The following MAGI2 variants were observed in gnomAD, a reference collection of about 807,000 sequenced individuals.
MAGI2 encodes membrane associated guanylate kinase, WW and PDZ domain containing 2, also known as membrane-associated guanylate kinase, WW and PDZ domain-containing protein 2.
In MAGI2, 35 loss-of-function variants were observed where a neutral mutation model predicts 133.3. That is an observed-to-expected ratio of 0.26 (90% CI 0.20 to 0.35). The LOEUF is 0.35. Among genes scored for constraint, MAGI2 ranks in the 10% least tolerant of loss-of-function variants. MAGI2 has a pLI of 1.00. For missense variants in MAGI2, 1,636 were observed against 1,863.4 expected (o/e 0.88, Z 2.25); for synonymous variants, 729 against 710.6 (o/e 1.03, Z -0.41).
chr7:78,832,922 T>C (rs2151446164), intron 2 of MAGI2, among the ~76,000 whole-genome samples: 1 of 152,260 alleles, frequency 6.6e-6, no homozygotes, highest in South Asian at 2.1e-4. Flanking sequence ...GTGACCCTTG[T>C]GGAGAGCCTA....
chr7:78,105,192 A>G lies in MAGI2; in HGVS notation c.3567+20502T>C, dbSNP rs540877652. 1.3e-4 allele frequency among the ~76,000 whole-genome samples: 20 copies of G among 152,290 alleles called. No individual in the cohort carries two copies. The South Asian group carries it at 4.1e-3, about 32-fold the overall frequency. On this transcript the variant is annotated intron_variant, in intron 20 of 21. Transcript: ENST00000354212. ...GCGTTAACGTATATTACTATAGTGT[A>G]TTCATTTTCACTGCTGAATAGTTTC...
chr7:78,866,324 ATC>A (rs543648232), intron 2 of MAGI2, among the ~76,000 whole-genome samples: 1 of 152,184 alleles, frequency 6.6e-6, no homozygotes, highest in Non-Finnish European at 1.5e-5. Flanking sequence ...GTAACTTCTC[ATC>A]TAAACAGAGA....
At chr7:78,957,796 C>T (rs549266937) in intron 2 of MAGI2, among the ~76,000 whole-genome samples, 2 of 152,216 alleles carry the variant, frequency 1.3e-5, no homozygotes, top group African/African-American at 4.8e-5. Flanking sequence ...TTCCTAGAAA[C>T]CCTGTTGCTA....
rs545840725 is a variant in MAGI2 at position 78,161,345 on chromosome 7, G to A, written c.2597-1072C>T. On this transcript the variant is annotated intron_variant, in intron 15 of 21. Transcript: ENST00000354212. ...TATTGGCACTCTGATGAAAAGAACC[G>A]AAGCAGGCACCTAGAATAATGTAAT... 7.9e-5 allele frequency among the ~76,000 whole-genome samples: 12 copies of A among 152,202 alleles called. No individual in the cohort carries two copies. In the South Asian group the frequency reaches 2.1e-3, roughly 26 times the overall value.
rs1821242718 is a variant in MAGI2 at position 78,128,707 on chromosome 7, T to G, written c.3204-1291A>C. 2.6e-5 allele frequency among the ~76,000 whole-genome samples: 4 copies of G among 152,212 alleles called. No individual in the cohort carries two copies. In the South Asian group the frequency reaches 8.3e-4, roughly 32 times the overall value. ...AGGTCACACTGAAAGTGCATGGCAA[T>G]AGATGTATTTACTTGGGGCTCCTTA... On this transcript the variant is annotated intron_variant, in intron 18 of 21. Coordinates refer to ENST00000354212, the MANE Select transcript of MAGI2 (RefSeq NM_012301.4).
intron 2 of MAGI2, among the ~76,000 whole-genome samples, chr7:78,816,924 AAGGCTAT>A (rs1194541434): frequency 6.6e-6 from 1 of 152,228 alleles, no homozygotes; most frequent in East Asian, 1.9e-4. Flanking sequence ...TACATTTCAT[AAGGCTAT>A]AGGTGCCATA....
intron 2 of MAGI2, among the ~76,000 whole-genome samples, chr7:78,713,953 T>C (rs1015816835): frequency 6.7e-6 from 1 of 148,294 alleles, no homozygotes; most frequent in African/African-American, 2.4e-5. Context: ...TCGTTTTCTG[T>C]TATTTCTTTT....
intron 2 of MAGI2, among the ~76,000 whole-genome samples, chr7:78,840,838 TG>T (rs199635957): frequency 1.1e-4 from 16 of 151,546 alleles, no homozygotes; most frequent in Admixed American, 5.3e-4. Context: ...GAATCTCCTT[TG>T]TTTTTTCATT....
intron 21 of MAGI2, among the ~76,000 whole-genome samples, chr7:78,036,592 T>TGA (rs1353044314): frequency 7.9e-5 from 12 of 151,988 alleles, no homozygotes; most frequent in African/African-American, 2.7e-4. Context: ...CATCCAGAGA[T>TGA]TGTCCAGTTT....
At chr7:79,035,016 T>C (rs547629605) in intron 1 of MAGI2, among the ~76,000 whole-genome samples, 2 of 152,296 alleles carry the variant, frequency 1.3e-5, no homozygotes, top group Admixed American at 6.5e-5. Context: ...ATACTTAAAG[T>C]TCTGCAATTG....
chr7:78,860,281 T>C (rs1440820409), intron 2 of MAGI2, among the ~76,000 whole-genome samples: 1 of 152,208 alleles, frequency 6.6e-6, no homozygotes, highest in Admixed American at 6.5e-5. Flanking sequence ...ATTTGTTCCA[T>C]TGCTGAGGAG....
chr7:78,129,643 G>A (rs1821343139), intron 18 of MAGI2, among the ~76,000 whole-genome samples: 1 of 152,070 alleles, frequency 6.6e-6, no homozygotes, highest in Admixed American at 6.6e-5. Flanking sequence ...CATCTCGTGG[G>A]CCCTTCAAGA....
At chr7:78,559,534 T>G (rs1041953812) in intron 3 of MAGI2, among the ~76,000 whole-genome samples, 29 of 152,146 alleles carry the variant, frequency 1.9e-4, no homozygotes, top group African/African-American at 7.0e-4. Context: ...TCAAAGGGCA[T>G]GTACTATTTG....
intron 12 of MAGI2, among the ~76,000 whole-genome samples, chr7:78,192,186 G>A (rs1828277610): frequency 6.6e-6 from 1 of 152,154 alleles, no homozygotes; most frequent in South Asian, 2.1e-4. Context: ...AACAGCTCTG[G>A]TTAGGATTCT....
At chr7:78,453,649 G>T (rs1040071370) in intron 6 of MAGI2, among the ~76,000 whole-genome samples, 13 of 152,090 alleles carry the variant, frequency 8.5e-5, no homozygotes, top group South Asian at 2.1e-4. Context: ...CCATTGGGTG[G>T]CCAGTGCAAT....
rs190466346 is a variant in MAGI2, at chr7:78,039,405, A to C, written c.3707-19429T>G. On this transcript the variant is annotated intron_variant, in intron 21 of 21. Coordinates refer to ENST00000354212, the MANE Select transcript of MAGI2 (RefSeq NM_012301.4). The stretch of plus-strand genomic sequence containing the variant: ...AAGAGAGAGTCTGTGACTTTGGTTT[A>C]TTCATGACAAATCTCTTCCCCGCCT... Among the ~76,000 whole-genome samples, 162 of 152,342 alleles carry C rather than the reference A, an allele frequency of 1.1e-3. 1 individual carries two copies. The highest frequency in any genetic ancestry group is 1.9e-3 in the Non-Finnish European group (131 of 68,032).
At chr7:79,406,732 T>C (rs1031019841) in intron 1 of MAGI2, among the ~76,000 whole-genome samples, 6 of 152,140 alleles carry the variant, frequency 3.9e-5, no homozygotes, top group African/African-American at 1.2e-4. Flanking sequence ...CAAATATTTA[T>C]TGAGTGCCAA....
chr7:78,599,897 G>A (rs1369676461), intron 3 of MAGI2, among the ~76,000 whole-genome samples: 1 of 152,102 alleles, frequency 6.6e-6, no homozygotes, highest in Non-Finnish European at 1.5e-5. Flanking sequence ...TCTGAATTCT[G>A]CATTTGCCAG....
At position 78,827,970 on chromosome 7, in the gene MAGI2, C is replaced by T. The variant is rs573747690; in HGVS notation, c.418+179120G>A. Among the ~76,000 whole-genome samples, 9 of 152,164 alleles carry T rather than the reference C, an allele frequency of 5.9e-5. No individual in the cohort carries two copies. In the South Asian group the frequency reaches 1.2e-3, roughly 21 times the overall value. Reference sequence around the variant, plus strand: ...CATGATCTTAGCTCACTGCAACCTCCGCCTCCCAGGTTCAAGTGATTCTCC... The same window carrying T: ...CATGATCTTAGCTCACTGCAACCTCTGCCTCCCAGGTTCAAGTGATTCTCC... On this transcript the variant is annotated intron_variant, in intron 2 of 21. Transcript: ENST00000354212.
Sources: gnomAD v4.1 joint callset for allele counts (sites outside exome capture counted in the v4.1 genomes callset) on GRCh38, gnomAD v4.1.1 for gene constraint, MANE v1.5 for transcripts, NCBI Gene and HGNC (gene_info 2026-07-23, HGNC 2026-07-21) for gene names.